Variants in LIG3 observed in about 807,000 individuals in gnomAD.
LIG3 encodes the protein DNA ligase 3, also known as ligase II, DNA, ATP-dependent.
In LIG3, 58 loss-of-function variants were observed where a neutral mutation model predicts 110.9. The observed-to-expected ratio is 0.52, with a 90% CI of 0.42 to 0.65. The LOEUF (loss-of-function observed/expected upper bound fraction) is 0.65, where lower values mean the gene tolerates loss of function less well. Among genes scored for constraint, LIG3 ranks in the 30% least tolerant of loss-of-function variants. The pLI, the probability that LIG3 is intolerant of heterozygous loss-of-function variation, is 0.00. For synonymous variants in LIG3, 422 were observed against 472.8 expected (o/e 0.89, Z 1.39); for missense variants, 1,094 against 1,273.8 (o/e 0.86, Z 2.15).
chr17:34,994,514 C>T, intron 9 of LIG3, 83 bp downstream of exon 9: 4 of 1,346,514 alleles, frequency 3.0e-6, no homozygotes, highest in Non-Finnish European at 4.1e-6. Flanking sequence ...CATAGCCATT[C>T]CAGCTGTGGT....
chr17:34,986,230 A>C, intron 3 of LIG3, 99 bp downstream of exon 3: 423 of 1,156,088 alleles, frequency 3.7e-4, no homozygotes, highest in Non-Finnish European at 4.9e-4. Context: ...GTGCTATCTC[A>C]TCTCATTAAT....
At chr17:35,001,185 C>T in intron 16 of LIG3, 72 bp from the exon 17 acceptor site, 2 of 1,529,346 alleles carry the variant, frequency 1.3e-6, no homozygotes, top group South Asian at 1.2e-5. Context: ...GGATTACAGG[C>T]TTGAGCCACC....
At chr17:35,000,654 T>G (rs2090831063) in intron 16 of LIG3, among the ~76,000 whole-genome samples, 1 of 148,780 alleles carries the variant, frequency 6.7e-6, no homozygotes, top group South Asian at 2.2e-4. Context: ...CTCACTCTGT[T>G]GTCCAGGCTG....
In LIG3 at chr17:35,006,029, A is replaced by G. The variant is rs1353719928; in HGVS notation, c.*1523A>G. 5 of 252,812 alleles carry G rather than the reference A, an allele frequency of 2.0e-5. No homozygotes were observed. The highest frequency in any genetic ancestry group is 1.5e-4 in the Admixed American group (3 of 19,426). 15.7% of individuals were successfully genotyped at this position (252,812 alleles called of 1,614,324 possible). A position where few individuals can be genotyped will look rare whatever the true frequency, so the allele number is the denominator to read the frequency against. Reference sequence around the variant, plus strand: ...TAGTTTTTAATTTCTTAAAGAAAATATACTCCATATCTGCAGGGAAAAAAA... The same window carrying G: ...TAGTTTTTAATTTCTTAAAGAAAATGTACTCCATATCTGCAGGGAAAAAAA... On this transcript the variant is annotated 3_prime_UTR_variant, in exon 20 of 20. Coordinates refer to ENST00000378526, the MANE Select transcript of LIG3 (RefSeq NM_013975.4).
rs138119729 is a variant in LIG3, at chr17:34,994,048, C to T, written c.1456-228C>T. The T allele has an allele frequency of 1.1e-5, 5 of 435,678 alleles. No homozygotes were observed. The East Asian group carries it at 1.8e-4, about 16-fold the overall frequency. 27.0% of individuals were successfully genotyped at this position (435,678 alleles called of 1,614,324 possible). On this transcript the variant is annotated intron_variant, in intron 8 of 19. Transcript: ENST00000378526. ...AATAGCATTCATATTCCTCAAAAGG[C>T]AAGCTCCTATGTCAGCTCAGGTGAT... is the stretch of plus-strand genomic sequence containing the variant.
chr17:34,990,921 G>T (rs774501914), intron 4 of LIG3, 42 bp from the exon 5 acceptor site: 3 of 1,600,404 alleles, frequency 1.9e-6, no homozygotes, highest in Admixed American at 3.4e-5. Flanking sequence ...ATATTTATTT[G>T]TTTAAGCTCT....
rs2074521 is a variant in LIG3 at position 35,003,837 on chromosome 17, T to C, written c.2797-436T>C. ...CCTGTAGAAACCTTTCCCCTCTCTCTTCCCAGCCTGAAGTCCTTGAACCCA... is the reference window on the plus strand; with the variant it reads ...CCTGTAGAAACCTTTCCCCTCTCTCCTCCCAGCCTGAAGTCCTTGAACCCA... On this transcript the variant is annotated intron_variant, in intron 19 of 19. Coordinates refer to ENST00000378526, the MANE Select transcript of LIG3 (RefSeq NM_013975.4). 9.8e-3 allele frequency: 1,635 copies of C among 167,274 alleles called. 14 individuals carry two copies. Among genetic ancestry groups the C allele is most frequent in the South Asian group, 0.042 (267 of 6,336 alleles). 10.4% of individuals were successfully genotyped at this position (167,274 alleles called of 1,614,324 possible).
chr17:34,989,574 G>C lies in LIG3; in HGVS notation c.800G>C (p.Arg267Pro). Residue 267 changes from arginine to proline, a missense_variant, in exon 4 of 20, where the codon CGA (arginine) becomes CCA (proline). By Grantham distance (103) the Arg-to-Pro change is moderately radical. Transcript: ENST00000378526. Reference sequence around the variant, plus strand: ...AAGGACTGTCTGCTACGGGAGTTTCGAAAGTTATGCGCCATGGTGGCCGAT... The same window carrying C: ...AAGGACTGTCTGCTACGGGAGTTTCCAAAGTTATGCGCCATGGTGGCCGAT... ...RHKDCLLREF[R>P]KLCAMVADNP... 6.2e-7 allele frequency: 1 copy of C among 1,614,006 alleles called. No individual in the cohort carries two copies. The highest frequency in any genetic ancestry group is 8.5e-7 in the Non-Finnish European group (1 of 1,180,026).
intron 17 of LIG3, 80 bp from the exon 18 acceptor site, chr17:35,001,829 A>C: frequency 2.2e-6 from 3 of 1,337,992 alleles, no homozygotes; most frequent in Non-Finnish European, 3.1e-6. Context: ...ATATGCGCCT[A>C]AAATACACCA....
chr17:35,000,599 T>C (rs1314347285), intron 16 of LIG3, among the ~76,000 whole-genome samples: 1 of 148,112 alleles, frequency 6.8e-6, no homozygotes, highest in African/African-American at 2.5e-5. Context: ...TCTAGCTGGT[T>C]GGGAGATACT....
intron 13 of LIG3, 109 bp from the exon 14 acceptor site, chr17:34,998,495 C>A: frequency 2.8e-6 from 4 of 1,407,756 alleles, no homozygotes; most frequent in Non-Finnish European, 3.0e-6. Context: ...AGGGCTCTTA[C>A]CCTGAGGGAG....
chr17:34,998,453 C>T (rs1458731132), intron 13 of LIG3, 151 bp from the exon 14 acceptor site: 1 of 1,120,556 alleles, frequency 8.9e-7, no homozygotes, highest in African/African-American at 1.6e-5. Context: ...TGGAGGACTG[C>T]TTTGTGTGTC....
rs2090899676 is a variant in LIG3 at position 35,006,994 on chromosome 17, T to C, written c.*2488T>C. On this transcript the variant is annotated 3_prime_UTR_variant, in exon 20 of 20. Coordinates refer to ENST00000378526, the MANE Select transcript of LIG3 (RefSeq NM_013975.4). ...TTCAGTATTAGGAATAAGATACTTT[T>C]TATTCCATCCTCTATGGAGACAAAA... 1.3e-5 allele frequency: 2 copies of C among 152,260 alleles called. No individual in the cohort carries two copies. Among genetic ancestry groups the C allele is most frequent in the African/African-American group, 2.4e-5 (1 of 41,460 alleles). 9.4% of individuals were successfully genotyped at this position (152,260 alleles called of 1,614,324 possible). A position where few individuals can be genotyped will look rare whatever the true frequency, so the allele number is the denominator to read the frequency against.
Position 34,999,865 on chromosome 17 carries a change from C to G in LIG3, c.2331+9C>G, listed in dbSNP as rs567046527. 30 of 1,610,934 alleles carry G rather than the reference C, an allele frequency of 1.9e-5. No individual in the cohort carries two copies. In the South Asian group the frequency reaches 3.1e-4, roughly 17 times the overall value. On this transcript the variant is annotated intron_variant, in intron 16 of 19. Transcript: ENST00000378526. Reference sequence around the variant, plus strand: ...TCGTCCCAGACCCAAAGGTATCAACCCAGTGGCTTGGGGGCCTCCAGCTCA... The same window carrying G: ...TCGTCCCAGACCCAAAGGTATCAACGCAGTGGCTTGGGGGCCTCCAGCTCA...
At chr17:35,002,811 C>T in intron 19 of LIG3, 22 bp downstream of exon 19, 1 of 1,582,104 alleles carries the variant, frequency 6.3e-7, no homozygotes. Context: ...AACAGCAACA[C>T]ACCACGTGGG....
intron 4 of LIG3, 90 bp downstream of exon 4, chr17:34,989,753 G>A (rs147919794): frequency 6.9e-5 from 84 of 1,214,344 alleles, no homozygotes; most frequent in African/African-American, 6.8e-4. Context: ...ATAGTTGCCC[G>A]GGATCCCATG....
Position 34,983,063 on chromosome 17 carries a change from G to A in LIG3, c.58G>A (p.Glu20Lys). The A allele has an allele frequency of 6.2e-7, 1 of 1,612,266 alleles. No homozygotes were observed. The highest frequency in any genetic ancestry group is 8.5e-7 in the Non-Finnish European group (1 of 1,179,564). ...AACCCTCCGTGCACTCAGCCGAAAA[G>A]AACTGTGCCTATTCCGAAAACATCA... ...PQTLRALSRK[E>K]LCLFRKHHWR... Residue 20 changes from glutamate (E) to lysine (K), a missense_variant, in exon 2 of 20, where the codon GAA (glutamate) becomes AAA (lysine). Glu to Lys is a moderately conservative substitution (Grantham distance 56, BLOSUM62 1). Transcript: ENST00000378526.
chr17:35,007,280 C>T lies in LIG3; in HGVS notation c.*2774C>T, dbSNP rs1399916699. On this transcript the variant is annotated 3_prime_UTR_variant, in exon 20 of 20. Coordinates refer to ENST00000378526, the MANE Select transcript of LIG3 (RefSeq NM_013975.4). ...TCTCTGCCTTAGTGTGTGTTATTGC[C>T]ATTTCAATGTCAGTGGTTTTTTATG... 1 of 152,272 alleles carries T rather than the reference C, an allele frequency of 6.6e-6. No homozygotes were observed. Among genetic ancestry groups the T allele is most frequent in the Non-Finnish European group, 1.5e-5 (1 of 68,068 alleles). The allele number at this position is 152,272 out of a possible 1,614,324, so 9.4% of individuals were successfully genotyped here. A position where few individuals can be genotyped will look rare whatever the true frequency, so the allele number is the denominator to read the frequency against.
Position 34,994,435 on chromosome 17 carries a change from T to A in LIG3, c.1611+4T>A. The stretch of plus-strand genomic sequence containing the variant: ...CAAGCCCGTCCTTCCTCACAAGGTA[T>A]GAGTGCCTTCCTTTCTGCCAGGACC... On this transcript the variant is annotated splice_donor_region_variant and intron_variant, in intron 9 of 19. Transcript: ENST00000378526. 1 of 1,613,054 alleles carries A rather than the reference T, an allele frequency of 6.2e-7. No individual in the cohort carries two copies.
Sources: allele counts gnomAD v4.1 joint callset (sites outside exome capture counted in the v4.1 genomes callset), GRCh38; gene constraint gnomAD v4.1.1; transcripts MANE v1.5; gene names NCBI Gene and HGNC (gene_info 2026-07-23, HGNC 2026-07-21).